LARP1B: variants seen among roughly 807,000 people sequenced by gnomAD.
LARP1B encodes la-related protein 1B.
In LARP1B, 76 loss-of-function variants were observed where a neutral mutation model predicts 114.2. The ratio of observed to expected loss-of-function variants is 0.67; its 90% CI spans 0.55 to 0.81. The LOEUF (loss-of-function observed/expected upper bound fraction) is 0.81, where lower values mean the gene tolerates loss of function less well. LARP1B is among the 30% of genes least tolerant of loss of function. LARP1B has a pLI of 0.00. For synonymous variants in LARP1B, 345 were observed against 348.0 expected, an observed-to-expected ratio of 0.99 and a Z score of 0.10; for missense variants, 1,014 against 1,075.8, an observed-to-expected ratio of 0.94 and a Z score of 0.80.
At chr4:128,126,852 T>C (rs576299067) in intron 11 of LARP1B, among the ~76,000 whole-genome samples, 2 of 151,556 alleles carry the variant, frequency 1.3e-5, no homozygotes, top group South Asian at 2.1e-4. Flanking sequence ...ACTTGGAATA[T>C]AGGATAACGG....
Position 128,178,655 on chromosome 4 carries a change from A to T in LARP1B, c.1896+13A>T. ...CATTGATGTAAAGGTATACAAAACA[A>T]CCAGGAATATAAGGCTTGCATTTTG... is the stretch of plus-strand genomic sequence containing the variant. On this transcript the variant is annotated intron_variant, in intron 14 of 19. Transcript: ENST00000326639. 1.3e-6 allele frequency: 2 copies of T among 1,580,978 alleles called. No individual in the cohort carries two copies. Among genetic ancestry groups the T allele is most frequent in the East Asian group, 2.2e-5 (1 of 44,694 alleles).
At chr4:128,069,494 A>T in intron 1 of LARP1B, 2 of 752,142 alleles carry the variant, frequency 2.7e-6, no homozygotes, top group Non-Finnish European at 4.9e-6. Flanking sequence ...GCGCTTTATC[A>T]AGCCAGATGG....
At chr4:128,128,474 GC>G (rs1790378941) in intron 11 of LARP1B, among the ~76,000 whole-genome samples, 1 of 152,106 alleles carries the variant, frequency 6.6e-6, no homozygotes, top group African/African-American at 2.4e-5. Context: ...CCTTAAACAT[GC>G]TCAGAGCACT....
intron 9 of LARP1B, chr4:128,108,959 T>C (rs1337470820): frequency 7.8e-6 from 3 of 385,822 alleles, no homozygotes; most frequent in African/African-American, 6.5e-5. Flanking sequence ...ACATACATAT[T>C]GTCTGAAACA....
intron 12 of LARP1B, among the ~76,000 whole-genome samples, chr4:128,170,471 A>G (rs1463231749): frequency 6.6e-6 from 1 of 151,876 alleles, no homozygotes; most frequent in Non-Finnish European, 1.5e-5. Context: ...TTTATTTCCT[A>G]TTTCAGTTCT....
At chr4:128,084,202 C>T (rs1476979981) in intron 5 of LARP1B, among the ~76,000 whole-genome samples, 7 of 152,176 alleles carry the variant, frequency 4.6e-5, no homozygotes, top group African/African-American at 9.7e-5. Context: ...CAGAGATGCT[C>T]CTCACTTCCC....
At chr4:128,098,024 C>G (rs1778704033) in intron 7 of LARP1B, among the ~76,000 whole-genome samples, 162 bp from the exon 8 acceptor site, 1 of 152,058 alleles carries the variant, frequency 6.6e-6, no homozygotes, top group South Asian at 2.1e-4. Flanking sequence ...TTTTTGCTAT[C>G]TTATATGTTT....
chr4:128,102,590 A>G (rs1780688742), intron 8 of LARP1B, among the ~76,000 whole-genome samples: 1 of 152,180 alleles, frequency 6.6e-6, no homozygotes, highest in African/African-American at 2.4e-5. Flanking sequence ...TGAGTATGCA[A>G]ACGCAAACCA....
chr4:128,068,601 G>A (rs1025924600), intron 1 of LARP1B, among the ~76,000 whole-genome samples: 16 of 151,706 alleles, frequency 1.1e-4, no homozygotes, highest in Non-Finnish European at 1.8e-4. Context: ...TTTGAGACAG[G>A]GTCTCACTAT....
chr4:128,205,129 T>TG (rs1265017430), intron 17 of LARP1B, among the ~76,000 whole-genome samples: 2 of 152,258 alleles, frequency 1.3e-5, no homozygotes, highest in African/African-American at 2.4e-5. Context: ...GGTTGCTGTA[T>TG]AAGTGTGTAG....
At chr4:128,133,999 ATTTTTT>A (rs71587365) in intron 11 of LARP1B, among the ~76,000 whole-genome samples, 47 of 139,070 alleles carry the variant, frequency 3.4e-4, no homozygotes, top group African/African-American at 1.2e-3. Context: ...GCCCAGCCCA[ATTTTTT>A]TTTTTTTTTT....
At chr4:128,203,761 G>GCTAAA (rs1756772790) in intron 17 of LARP1B, among the ~76,000 whole-genome samples, 1 of 152,184 alleles carries the variant, frequency 6.6e-6, no homozygotes, top group African/African-American at 2.4e-5. Flanking sequence ...GAGGGAGAGA[G>GCTAAA]CTAACATCGC....
At chr4:128,218,177 C>A in intron 6 of LARP1B, among the ~76,000 whole-genome samples, 1 of 119,656 alleles carries the variant, frequency 8.4e-6, no homozygotes, top group Non-Finnish European at 1.7e-5. Flanking sequence ...ATTCCATGCT[C>A]ATGGGTAGGA....
At position 128,122,250 on chromosome 4, in the gene LARP1B, A is replaced by G. The variant is rs747619999; in HGVS notation, c.1524+62A>G. 7 of 1,571,652 alleles carry G rather than the reference A, an allele frequency of 4.5e-6. No individual in the cohort carries two copies. In the African/African-American group the frequency reaches 9.6e-5, roughly 21 times the overall value. On this transcript the variant is annotated intron_variant, in intron 11 of 19. Transcript: ENST00000326639. The stretch of plus-strand genomic sequence containing the variant: ...TTGTTTTGATTGTATGTTGCTGTTT[A>G]TATTTTCTCAAACTTGAGGCTCTAT...
intron 11 of LARP1B, chr4:128,156,236 C>T (rs1345297491): frequency 4.2e-6 from 6 of 1,437,762 alleles, no homozygotes; most frequent in Non-Finnish European, 5.8e-6. Context: ...GCAGGTGCCA[C>T]CCTAAGCAAC....
At chr4:128,085,163 A>G (rs542252242) in intron 5 of LARP1B, among the ~76,000 whole-genome samples, 2 of 152,262 alleles carry the variant, frequency 1.3e-5, no homozygotes, top group Non-Finnish European at 2.9e-5. Context: ...GCGACTGGCC[A>G]CAATGATTAT....
At chr4:128,112,436 A>C (rs1438046417) in intron 9 of LARP1B, among the ~76,000 whole-genome samples, 1 of 146,152 alleles carries the variant, frequency 6.8e-6, no homozygotes, top group Non-Finnish European at 1.5e-5. Flanking sequence ...TTGAAGTGAT[A>C]GATAACTGCA....
intron 11 of LARP1B, among the ~76,000 whole-genome samples, chr4:128,129,279 C>T (rs1231637336): frequency 7.0e-6 from 1 of 142,884 alleles, no homozygotes; most frequent in Non-Finnish European, 1.5e-5. Context: ...AGATTGAACC[C>T]GGAAGGCGGA....
At chr4:128,097,936 A>G (rs1778664714) in intron 7 of LARP1B, among the ~76,000 whole-genome samples, 2 of 152,302 alleles carry the variant, frequency 1.3e-5, no homozygotes, top group South Asian at 4.1e-4. Context: ...TATTTAGTGA[A>G]ACTGATCTAA....
Sources: allele counts gnomAD v4.1 joint callset (sites outside exome capture counted in the v4.1 genomes callset), GRCh38; gene constraint gnomAD v4.1.1; transcripts MANE v1.5; gene names NCBI Gene and HGNC (gene_info 2026-07-23, HGNC 2026-07-21).